Variants in CAMTA1 observed in about 807,000 individuals in gnomAD.
CAMTA1 encodes the protein calmodulin binding transcription activator 1, also known as calmodulin-binding transcription activator 1.
A neutral mutation model predicts 170.9 loss-of-function variants in CAMTA1; 27 were observed. The ratio of observed to expected loss-of-function variants is 0.16; its 90% confidence interval spans 0.12 to 0.22. CAMTA1 has a LOEUF of 0.22. Ranked by LOEUF, CAMTA1 falls within the 10% of genes least tolerant of loss-of-function variation. The pLI is 1.00. For missense variants in CAMTA1, 1,619 were observed against 2,217.2 expected, an observed-to-expected ratio of 0.73 and a Z score of 5.42; for synonymous variants, 833 against 891.5, an observed-to-expected ratio of 0.93 and a Z score of 1.17.
chr1:7,616,487 T>C (rs2095559599), intron 6 of CAMTA1, among the ~76,000 whole-genome samples: 1 of 152,228 alleles, frequency 6.6e-6, no homozygotes, highest in Non-Finnish European at 1.5e-5. Context: ...AGCCCAGGAC[T>C]GCAAGGCGAA....
intron 3 of CAMTA1, among the ~76,000 whole-genome samples, chr1:7,055,388 T>C (rs1039813837): frequency 6.6e-6 from 1 of 152,184 alleles, no homozygotes; most frequent in African/African-American, 2.4e-5. Flanking sequence ...GGTTTGGCTC[T>C]ACCTCTCAGT....
intron 3 of CAMTA1, among the ~76,000 whole-genome samples, chr1:7,028,067 GCTAA>G: frequency 6.6e-6 from 1 of 152,126 alleles, no homozygotes; most frequent in East Asian, 1.9e-4. Flanking sequence ...ACCATGCCTA[GCTAA>G]CTTTTGTATT....
Position 7,387,440 on chromosome 1 carries a change from T to C in CAMTA1, c.439-80390T>C, listed in dbSNP as rs571868510. ...ATTCTCTTCTCCCATCTGTTTTCCA[T>C]TTCTGTCCAGGCCAGGCCGTGGGGT... is the stretch of plus-strand genomic sequence containing the variant. On this transcript the variant is annotated intron_variant, in intron 5 of 22. Transcript: ENST00000303635. Among the ~76,000 whole-genome samples, 4 of 152,266 alleles carry C rather than the reference T, an allele frequency of 2.6e-5. No homozygotes were observed. In the South Asian group the frequency reaches 8.3e-4, roughly 32 times the overall value.
chr1:6,963,498 G>C (rs1396674685), intron 3 of CAMTA1, among the ~76,000 whole-genome samples: 1 of 152,012 alleles, frequency 6.6e-6, no homozygotes, highest in African/African-American at 2.4e-5. Flanking sequence ...TTCTTCAGGG[G>C]GTGCCTTTCT....
At chr1:7,766,089 A>C (rs539491999) in intron 22 of CAMTA1, among the ~76,000 whole-genome samples, 3 of 152,110 alleles carry the variant, frequency 2.0e-5, no homozygotes, top group African/African-American at 4.8e-5. Flanking sequence ...CATCATACAG[A>C]GTGATAGGAC....
At chr1:7,285,048 G>A (rs1455918694) in intron 5 of CAMTA1, among the ~76,000 whole-genome samples, 2 of 152,210 alleles carry the variant, frequency 1.3e-5, no homozygotes, top group Admixed American at 1.3e-4. Context: ...GCCTCTGGTG[G>A]CTGGCCCTCC....
chr1:7,271,565 G>GAGATAGAT (rs138661434), intron 5 of CAMTA1, among the ~76,000 whole-genome samples: 29,753 of 142,592 alleles, frequency 0.21, 3,274 homozygotes, highest in Admixed American at 0.25. Context: ...ACTGAGAAAA[G>GAGATAGAT]AGATAGATAG....
chr1:7,162,542 A>T (rs1381781950), intron 4 of CAMTA1, among the ~76,000 whole-genome samples: 3 of 152,202 alleles, frequency 2.0e-5, no homozygotes, highest in African/African-American at 2.4e-5. Context: ...CATTTTATAT[A>T]AAAAGAATCA....
rs1161431414 is a variant in CAMTA1, at chr1:7,732,211, A to G, written c.2915-237A>G. Among the ~76,000 whole-genome samples the G allele has an allele frequency of 6.6e-6, 1 of 152,130 alleles. No individual in the cohort carries two copies. The highest frequency in any genetic ancestry group is 6.5e-5 in the Admixed American group (1 of 15,272). ...CTGAACCTCTTTTTGATCTTTGACAAAAAGAGAATTTCTGGTCTTTTATCC... is the reference window on the plus strand; with the variant it reads ...CTGAACCTCTTTTTGATCTTTGACAGAAAGAGAATTTCTGGTCTTTTATCC... On this transcript the variant is annotated intron_variant, in intron 11 of 22. Coordinates refer to ENST00000303635, the MANE Select transcript of CAMTA1 (RefSeq NM_015215.4). This position sits in a 1 kb window ranked among gnomAD's most constrained non-coding sequence, Gnocchi z 4.1.
chr1:7,581,067 G>A (rs912476678), intron 6 of CAMTA1, among the ~76,000 whole-genome samples: 3 of 152,238 alleles, frequency 2.0e-5, no homozygotes, highest in African/African-American at 7.2e-5. Flanking sequence ...GCCATGGGAA[G>A]CGTCAGATCA....
At chr1:7,066,742 T>C (rs1709013045) in intron 3 of CAMTA1, among the ~76,000 whole-genome samples, 1 of 152,252 alleles carries the variant, frequency 6.6e-6, no homozygotes, top group South Asian at 2.1e-4. Flanking sequence ...GACGGTCAGC[T>C]TCCCAAATGG....
intron 5 of CAMTA1, among the ~76,000 whole-genome samples, chr1:7,324,647 A>C (rs1471541048): frequency 2.0e-5 from 3 of 151,990 alleles, no homozygotes; most frequent in African/African-American, 7.3e-5. Context: ...ATCTCTACTA[A>C]AAATACAAAA....
At chr1:7,620,090 T>C (rs1333490806) in intron 6 of CAMTA1, among the ~76,000 whole-genome samples, 1 of 152,214 alleles carries the variant, frequency 6.6e-6, no homozygotes, top group Non-Finnish European at 1.5e-5. Flanking sequence ...AGGCTCACTC[T>C]TCTCCATCCT....
intron 3 of CAMTA1, among the ~76,000 whole-genome samples, chr1:6,896,533 C>T (rs1020614487): frequency 4.6e-5 from 7 of 152,232 alleles, no homozygotes; most frequent in East Asian, 3.9e-4. Context: ...GAGATATTTG[C>T]GGAAATCTAA....
chr1:6,809,656 T>C (rs1644943234), intron 1 of CAMTA1, among the ~76,000 whole-genome samples: 2 of 151,788 alleles, frequency 1.3e-5, no homozygotes, highest in African/African-American at 2.4e-5. Flanking sequence ...TGAGTGAGAT[T>C]GGAAGGGGAG....
intron 1 of CAMTA1, among the ~76,000 whole-genome samples, chr1:6,806,763 A>G (rs531871230): frequency 6.6e-6 from 1 of 152,378 alleles, no homozygotes; most frequent in South Asian, 2.1e-4. Flanking sequence ...TGGTTAATAG[A>G]GAACTAGCAG....
chr1:7,467,988 C>T (rs1042270006), intron 6 of CAMTA1, 87 bp downstream of exon 6: 41 of 1,095,254 alleles, frequency 3.7e-5, no homozygotes, highest in African/African-American at 2.0e-4. Context: ...GCTCCGCATG[C>T]GACACGGCTT....
At chr1:7,478,236 C>T (rs941542311) in intron 6 of CAMTA1, among the ~76,000 whole-genome samples, 5 of 151,516 alleles carry the variant, frequency 3.3e-5, no homozygotes, top group African/African-American at 1.2e-4. Context: ...CTATCCAACC[C>T]AGTTTGCAAA....
intron 4 of CAMTA1, among the ~76,000 whole-genome samples, chr1:7,148,210 ACACT>A (rs1026214025): frequency 2.0e-5 from 3 of 150,182 alleles, no homozygotes; most frequent in African/African-American, 7.4e-5. Context: ...ATGTAGACAC[ACACT>A]CATACATCAT....
Sources: gnomAD v4.1 joint callset for allele counts (sites outside exome capture counted in the v4.1 genomes callset) on GRCh38, gnomAD v4.1.1 for gene constraint, Gnocchi (gnomAD v3.1) non-coding constraint, MANE v1.5 for transcripts, NCBI Gene and HGNC (gene_info 2026-07-23, HGNC 2026-07-21) for gene names.